Variants in CDIN1 observed in about 807,000 individuals in gnomAD.
The protein encoded by CDIN1 is CDAN1-interacting nuclease 1.
In CDIN1, 33 loss-of-function variants were observed where a neutral mutation model predicts 45.3. The observed-to-expected ratio is 0.73, with a 90% CI of 0.55 to 0.97. The LOEUF (loss-of-function observed/expected upper bound fraction) is 0.97, where lower values mean the gene tolerates loss of function less well. CDIN1 is among the 50% of genes least tolerant of loss of function. The pLI is 0.00. For missense variants in CDIN1, 303 were observed against 339.4 expected (o/e 0.89, Z 0.84); for synonymous variants, 118 against 124.4 (o/e 0.95, Z 0.34).
chr15:36,639,337 G>A (rs2040016324), intron 1 of CDIN1, among the ~76,000 whole-genome samples: 1 of 150,066 alleles, frequency 6.7e-6, no homozygotes, highest in South Asian at 2.1e-4. Context: ...CCAGCGTGGT[G>A]GCTCACGCCT....
In CDIN1 at chr15:36,748,756, A is replaced by G. The variant is rs570634915; in HGVS notation, c.716+38795A>G. On this transcript the variant is annotated intron_variant, in intron 10 of 10. Coordinates refer to ENST00000566621, the MANE Select transcript of CDIN1 (RefSeq NM_001321759.2). Reference sequence around the variant, plus strand: ...AAGCAAAAGTGCATTTACTAGATCTATGTGACTTCTGATTTGAGGGTCAGT... The same window carrying G: ...AAGCAAAAGTGCATTTACTAGATCTGTGTGACTTCTGATTTGAGGGTCAGT... Among the ~76,000 whole-genome samples the G allele has an allele frequency of 3.9e-5, 6 of 152,330 alleles. No individual in the cohort carries two copies. The South Asian group carries it at 1.2e-3, about 32-fold the overall frequency.
At chr15:36,693,266 A>G (rs1248791538) in intron 7 of CDIN1, among the ~76,000 whole-genome samples, 6 of 152,204 alleles carry the variant, frequency 3.9e-5, no homozygotes, top group Non-Finnish European at 7.4e-5. Context: ...TTCAGTATTG[A>G]AGATACAGCC....
intron 5 of CDIN1, among the ~76,000 whole-genome samples, chr15:36,676,097 T>C (rs2041639835): frequency 1.3e-5 from 2 of 152,168 alleles, no homozygotes; most frequent in South Asian, 2.1e-4. Context: ...AGAAGCACTG[T>C]CCCTGGCTGT....
At chr15:36,716,778 C>T (rs980632842) in intron 10 of CDIN1, among the ~76,000 whole-genome samples, 1 of 152,182 alleles carries the variant, frequency 6.6e-6, no homozygotes, top group African/African-American at 2.4e-5. Context: ...TGCTTCCAAA[C>T]AGAGTCTTCA....
At chr15:36,650,451 T>C (rs916305147) in intron 3 of CDIN1, among the ~76,000 whole-genome samples, 14 of 130,884 alleles carry the variant, frequency 1.1e-4, no homozygotes, top group Non-Finnish European at 2.0e-4. Flanking sequence ...TATTTATTTA[T>C]TTATTATTTG....
At chr15:36,772,059 G>C (rs2054093661) in intron 10 of CDIN1, among the ~76,000 whole-genome samples, 1 of 152,216 alleles carries the variant, frequency 6.6e-6, no homozygotes, top group African/African-American at 2.4e-5. Flanking sequence ...TTCAGGGACA[G>C]AAGTGAGGAT....
chr15:36,649,129 T>C (rs2040472208), intron 3 of CDIN1, among the ~76,000 whole-genome samples: 1 of 152,240 alleles, frequency 6.6e-6, no homozygotes, highest in Non-Finnish European at 1.5e-5. Flanking sequence ...ACTGAAAATA[T>C]TCCATAAAGA....
At chr15:36,766,229 C>T (rs1053639853) in intron 10 of CDIN1, among the ~76,000 whole-genome samples, 1 of 152,144 alleles carries the variant, frequency 6.6e-6, no homozygotes, top group African/African-American at 2.4e-5. Context: ...TTGTATATGG[C>T]AGGATTTTTT....
intron 10 of CDIN1, among the ~76,000 whole-genome samples, chr15:36,749,118 C>A (rs529845093): frequency 6.6e-6 from 1 of 152,132 alleles, no homozygotes; most frequent in African/African-American, 2.4e-5. Context: ...TTCCAAAAAA[C>A]CCCAGAAATA....
chr15:36,614,150 C>G (rs2038778058), intron 1 of CDIN1: 2 of 717,258 alleles, frequency 2.8e-6, no homozygotes, highest in Non-Finnish European at 5.2e-6. Context: ...GAGGAGTATT[C>G]TGTACACAGA....
chr15:36,681,541 T>C (rs2041851733), intron 5 of CDIN1, among the ~76,000 whole-genome samples: 1 of 152,170 alleles, frequency 6.6e-6, no homozygotes, highest in Admixed American at 6.5e-5. Context: ...AAGGCATATA[T>C]TCTTAGCTTC....
intron 1 of CDIN1, among the ~76,000 whole-genome samples, chr15:36,581,993 TATC>T (rs1422498091): frequency 6.6e-6 from 1 of 152,274 alleles, no homozygotes; most frequent in Non-Finnish European, 1.5e-5. Flanking sequence ...CATTTGTTAA[TATC>T]ATCTCTAATC....
At chr15:36,606,718 T>G (rs536330222) in intron 1 of CDIN1, among the ~76,000 whole-genome samples, 1 of 152,324 alleles carries the variant, frequency 6.6e-6, no homozygotes, top group East Asian at 1.9e-4. Flanking sequence ...TAAACTTTAT[T>G]TTAAAATGTT....
At chr15:36,740,707 G>A (rs556357803) in intron 10 of CDIN1, among the ~76,000 whole-genome samples, 19 of 152,144 alleles carry the variant, frequency 1.2e-4, no homozygotes, top group Admixed American at 7.9e-4. Flanking sequence ...TGACCAACAC[G>A]GAGAAACCCC....
intron 5 of CDIN1, among the ~76,000 whole-genome samples, chr15:36,677,612 CTT>C: frequency 6.6e-6 from 1 of 152,284 alleles, no homozygotes; most frequent in East Asian, 1.9e-4. Flanking sequence ...TGATCAATCT[CTT>C]GTCATCAGTT....
chr15:36,727,338 T>TAA (rs200967467), intron 10 of CDIN1, among the ~76,000 whole-genome samples: 4 of 138,442 alleles, frequency 2.9e-5, no homozygotes, highest in Admixed American at 7.2e-5. Context: ...TCTTTTTTCT[T>TAA]AAAAAAAAAA....
At chr15:36,774,133 G>GGTGTGTGTGTGTGTGTGTGTGTGT (rs761451923) in intron 10 of CDIN1, among the ~76,000 whole-genome samples, 4 of 138,746 alleles carry the variant, frequency 2.9e-5, no homozygotes, top group African/African-American at 1.1e-4. Context: ...AACTGACAGG[G>GGTGTGTGTGTGTGTGTGTGTGTGT]GTGTGTGTGT....
intron 1 of CDIN1, among the ~76,000 whole-genome samples, chr15:36,584,218 T>C (rs556650966): frequency 1.3e-5 from 2 of 152,290 alleles, no homozygotes; most frequent in East Asian, 1.9e-4. Flanking sequence ...CTTACCACCA[T>C]GTATTCAAAA....
At chr15:36,760,603 C>T (rs2053733973) in intron 10 of CDIN1, among the ~76,000 whole-genome samples, 1 of 152,166 alleles carries the variant, frequency 6.6e-6, no homozygotes, top group African/African-American at 2.4e-5. Flanking sequence ...GTCTCTTCCA[C>T]AGAAATTTTA....
Sources: allele counts gnomAD v4.1 joint callset (sites outside exome capture counted in the v4.1 genomes callset), GRCh38; gene constraint gnomAD v4.1.1; transcripts MANE v1.5; gene names NCBI Gene and HGNC (gene_info 2026-07-23, HGNC 2026-07-21).